SGCZ: variants seen among roughly 807,000 people sequenced by gnomAD.
The protein encoded by SGCZ is sarcoglycan zeta.
A neutral mutation model predicts 41.3 loss-of-function variants in SGCZ; 40 were observed. The ratio of observed to expected loss-of-function variants is 0.97; its 90% confidence interval spans 0.75 to 1.26. SGCZ has a LOEUF of 1.26. Ranked by LOEUF, SGCZ falls within the 50% of genes most tolerant of loss-of-function variation. SGCZ has a pLI of 0.00. For synonymous variants in SGCZ, 206 were observed against 137.5 expected (o/e 1.50, Z -3.49); for missense variants, 552 against 369.8 (o/e 1.49, Z -4.04).
intron 2 of SGCZ, among the ~76,000 whole-genome samples, chr8:14,331,416 G>C (rs527580700): frequency 1.1e-4 from 16 of 152,028 alleles, no homozygotes; most frequent in African/African-American, 3.6e-4. Flanking sequence ...TTTTCCCCAA[G>C]CATAAAAGAA....
At chr8:14,371,413 G>A (rs115523247) in intron 2 of SGCZ, among the ~76,000 whole-genome samples, 3,016 of 152,136 alleles carry the variant, frequency 0.02, 80 homozygotes, top group African/African-American at 0.056. Context: ...AACCTTTGCT[G>A]TAACAATGAC....
At chr8:14,969,735 A>C (rs1169062889) in intron 1 of SGCZ, among the ~76,000 whole-genome samples, 1 of 151,884 alleles carries the variant, frequency 6.6e-6, no homozygotes, top group African/African-American at 2.4e-5. Flanking sequence ...CTTTTCTATC[A>C]CTGAGTAATA....
chr8:15,179,606 C>A (rs1800103818), intron 1 of SGCZ, among the ~76,000 whole-genome samples: 2 of 152,024 alleles, frequency 1.3e-5, no homozygotes, highest in South Asian at 4.1e-4. Flanking sequence ...ATAAATGGCA[C>A]AAAGCATGGT....
At chr8:14,989,935 T>A (rs1203713169) in intron 1 of SGCZ, among the ~76,000 whole-genome samples, 1 of 152,208 alleles carries the variant, frequency 6.6e-6, no homozygotes, top group Admixed American at 6.5e-5. Flanking sequence ...GAACTCTTCC[T>A]TCTACGTGTA....
At chr8:14,251,435 T>C (rs1213647960) in intron 3 of SGCZ, among the ~76,000 whole-genome samples, 1 of 152,090 alleles carries the variant, frequency 6.6e-6, no homozygotes, top group Admixed American at 6.6e-5. Context: ...GTCAAAACCA[T>C]TAAACTCTGC....
At chr8:15,073,067 T>C (rs1443366477) in intron 1 of SGCZ, among the ~76,000 whole-genome samples, 1 of 152,102 alleles carries the variant, frequency 6.6e-6, no homozygotes, top group African/African-American at 2.4e-5. Flanking sequence ...GTTTCCTGTA[T>C]ACTGATCACA....
intron 1 of SGCZ, among the ~76,000 whole-genome samples, chr8:14,746,993 G>A (rs1197368008): frequency 6.6e-6 from 1 of 152,160 alleles, no homozygotes; most frequent in Non-Finnish European, 1.5e-5. Flanking sequence ...ATTCTCTACA[G>A]GGAGTAGCAG....
intron 1 of SGCZ, among the ~76,000 whole-genome samples, chr8:14,691,852 CT>C (rs1449575438): frequency 6.6e-6 from 1 of 151,820 alleles, no homozygotes; most frequent in Non-Finnish European, 1.5e-5. Flanking sequence ...AAATGTCACC[CT>C]AATACATAAT....
At chr8:14,792,147 G>A (rs888340993) in intron 1 of SGCZ, among the ~76,000 whole-genome samples, 5 of 152,144 alleles carry the variant, frequency 3.3e-5, no homozygotes, top group Non-Finnish European at 5.9e-5. Flanking sequence ...GCATAGAAAG[G>A]TGTGATAAAT....
chr8:14,624,118 A>C lies in SGCZ; in HGVS notation c.40-69192T>G, dbSNP rs7018396. 4.8e-3 allele frequency among the ~76,000 whole-genome samples: 725 copies of C among 152,324 alleles called. 5 individuals carry two copies. Among genetic ancestry groups the C allele is most frequent in the African/African-American group, 0.015 (609 of 41,572 alleles). ...AATACTATTTGCCTCTGTCGTCCTT[A>C]AAAGATTCAACAAGTTTAATATATG... On this transcript the variant is annotated intron_variant, in intron 1 of 7. Coordinates refer to ENST00000382080, the MANE Select transcript of SGCZ (RefSeq NM_139167.4).
intron 6 of SGCZ, among the ~76,000 whole-genome samples, chr8:14,107,610 C>T (rs1802246278): frequency 6.6e-6 from 1 of 152,130 alleles, no homozygotes; most frequent in Non-Finnish European, 1.5e-5. Flanking sequence ...GTCGGATTTT[C>T]CAGCATTCCT....
intron 2 of SGCZ, among the ~76,000 whole-genome samples, chr8:14,361,348 A>T (rs578014665): frequency 6.6e-6 from 1 of 152,256 alleles, no homozygotes; most frequent in East Asian, 1.9e-4. Flanking sequence ...GTCTTTTCAC[A>T]TAGTCCCATA....
At chr8:14,277,632 G>T (rs192310033) in intron 3 of SGCZ, among the ~76,000 whole-genome samples, 2,799 of 152,154 alleles carry the variant, frequency 0.018, 38 homozygotes, top group Middle Eastern at 0.051. Flanking sequence ...CAAGTATTGG[G>T]ATACAGAGAA....
intron 1 of SGCZ, among the ~76,000 whole-genome samples, chr8:15,209,482 A>AG (rs1801172265): frequency 1.2e-4 from 1 of 8,058 alleles, no homozygotes; most frequent in East Asian, 3.0e-3. Flanking sequence ...TAGTAAAAAA[A>AG]AAAAAAAAAA....
In SGCZ at chr8:14,164,650, T is replaced by C; in HGVS notation, c.477A>G (p.Glu159=). ...QCKRFEVRAS[E]DGRVLFSADE... Reference sequence around the variant, plus strand: ...CTGCAGAAAACAGCACCCTGCCATCTTCACTGGCTCTCACTTCAAATCTTT... The same window carrying C: ...CTGCAGAAAACAGCACCCTGCCATCCTCACTGGCTCTCACTTCAAATCTTT... Residue 159 remains glutamate, a synonymous_variant, in exon 5 of 8, where the codon GAA becomes GAG. Transcript: ENST00000382080. The C allele has an allele frequency of 6.2e-7, 1 of 1,613,666 alleles. No individual in the cohort carries two copies. The highest frequency in any genetic ancestry group is 8.5e-7 in the Non-Finnish European group (1 of 1,179,726).
At chr8:15,018,623 G>C (rs752041478) in intron 1 of SGCZ, among the ~76,000 whole-genome samples, 2 of 152,262 alleles carry the variant, frequency 1.3e-5, no homozygotes, top group African/African-American at 2.4e-5. Flanking sequence ...TAGAGGGCTG[G>C]AATGCAGGGA....
At chr8:14,734,035 G>C (rs559647506) in intron 1 of SGCZ, among the ~76,000 whole-genome samples, 1 of 152,152 alleles carries the variant, frequency 6.6e-6, no homozygotes, top group East Asian at 1.9e-4. Context: ...AAACCATTGT[G>C]TTTAGCACTT....
intron 3 of SGCZ, among the ~76,000 whole-genome samples, chr8:14,312,859 C>A (rs903983929): frequency 6.6e-6 from 1 of 152,116 alleles, no homozygotes; most frequent in Admixed American, 6.6e-5. Flanking sequence ...AACTACACAG[C>A]ATGAATCTGA....
At chr8:14,618,023 G>C (rs1403117633) in intron 1 of SGCZ, among the ~76,000 whole-genome samples, 2 of 151,894 alleles carry the variant, frequency 1.3e-5, no homozygotes, top group Non-Finnish European at 2.9e-5. Context: ...ATTTTTCTGA[G>C]AAAAATGGAA....
Sources: allele counts gnomAD v4.1 joint callset (sites outside exome capture counted in the v4.1 genomes callset), GRCh38; gene constraint gnomAD v4.1.1; transcripts MANE v1.5; gene names NCBI Gene and HGNC (gene_info 2026-07-23, HGNC 2026-07-21).